Variants in LYPLAL1 observed in about 807,000 individuals in gnomAD.
LYPLAL1 encodes the protein lysophospholipase-like protein 1.
Under a neutral mutation model 19.7 loss-of-function variants are expected in LYPLAL1, and 23 were observed. That is an observed-to-expected ratio of 1.17 (90% CI 0.84 to 1.65). The LOEUF is 1.65. Among genes scored for constraint, LYPLAL1 ranks in the 40% most tolerant of loss-of-function variants. The pLI, the probability that LYPLAL1 is intolerant of heterozygous loss-of-function variation, is 0.00. For synonymous variants in LYPLAL1, 119 were observed against 96.3 expected, an observed-to-expected ratio of 1.24 and a Z score of -1.38; for missense variants, 355 against 279.4, an observed-to-expected ratio of 1.27 and a Z score of -1.93.
chr1:219,197,888 G>C (rs1370093707), intron 3 of LYPLAL1, among the ~76,000 whole-genome samples: 2 of 152,068 alleles, frequency 1.3e-5, no homozygotes, highest in African/African-American at 4.8e-5. Context: ...ACAGTAGCAG[G>C]AGAGGTTACC....
the LYPLAL1 span, among the ~76,000 whole-genome samples, chr1:219,393,551 G>T: frequency 1.3e-5 from 2 of 151,992 alleles, no homozygotes; most frequent in African/African-American, 4.8e-5. Context: ...GCTGATGCAG[G>T]GTTAGCCTGG....
At chr1:219,204,937 A>G (rs1456642695) in intron 3 of LYPLAL1, among the ~76,000 whole-genome samples, 1 of 152,186 alleles carries the variant, frequency 6.6e-6, no homozygotes, top group Non-Finnish European at 1.5e-5. Context: ...ATATAAGCAT[A>G]TTATCAGAAT....
At chr1:219,317,306 C>T in the LYPLAL1 span, among the ~76,000 whole-genome samples, 1 of 152,260 alleles carries the variant, frequency 6.6e-6, no homozygotes, top group Non-Finnish European at 1.5e-5. Context: ...TTCACTATTT[C>T]GTGTTTCAAC....
the LYPLAL1 span, among the ~76,000 whole-genome samples, chr1:219,299,666 C>T: frequency 2.0e-5 from 3 of 152,154 alleles, no homozygotes; most frequent in Non-Finnish European, 4.4e-5. Flanking sequence ...GGTTCTCTTC[C>T]CACTGTAGAG....
chr1:219,294,735 C>T, the LYPLAL1 span, among the ~76,000 whole-genome samples: 6 of 152,158 alleles, frequency 3.9e-5, no homozygotes, highest in Non-Finnish European at 7.3e-5. Flanking sequence ...GAGGCACAGA[C>T]TCTGGATGGA....
At chr1:219,242,778 A>T in the LYPLAL1 span, among the ~76,000 whole-genome samples, 1 of 151,838 alleles carries the variant, frequency 6.6e-6, no homozygotes, top group East Asian at 1.9e-4. Flanking sequence ...AAAATCTCAG[A>T]TGATATTTAT....
chr1:219,174,195 T>TC, intron 1 of LYPLAL1: 12 of 1,413,034 alleles, frequency 8.5e-6, no homozygotes, highest in Non-Finnish European at 8.3e-6. Flanking sequence ...CGGTCACTGG[T>TC]CCACCACCCT....
intron 4 of LYPLAL1, 110 bp downstream of exon 4, chr1:219,210,757 T>C: frequency 1.1e-6 from 1 of 933,178 alleles, no homozygotes; most frequent in Non-Finnish European, 1.5e-6. Flanking sequence ...TGATGCACAG[T>C]TGATATGGAT....
the LYPLAL1 span, among the ~76,000 whole-genome samples, chr1:219,407,515 T>C: frequency 0.53 from 81,091 of 152,016 alleles, 22,015 homozygotes; most frequent in East Asian, 0.81. Context: ...AAACATGAAA[T>C]GTAATGAGCT....
chr1:219,274,154 A>G, the LYPLAL1 span, among the ~76,000 whole-genome samples: 1 of 152,220 alleles, frequency 6.6e-6, no homozygotes, highest in East Asian at 1.9e-4. Context: ...TGAAAATGCA[A>G]AGAAGTTTGA....
chr1:219,437,223 G>A, the LYPLAL1 span: 1 of 152,174 alleles, frequency 6.6e-6, no homozygotes, highest in African/African-American at 2.4e-5. Context: ...CCACAGGGCT[G>A]GGTGAGCTCA....
chr1:219,328,593 T>G, the LYPLAL1 span, among the ~76,000 whole-genome samples: 1 of 152,170 alleles, frequency 6.6e-6, no homozygotes, highest in Non-Finnish European at 1.5e-5. Context: ...ATACTTGATA[T>G]AGAAATAAAT....
chr1:219,289,952 A>G, the LYPLAL1 span, among the ~76,000 whole-genome samples: 193 of 152,318 alleles, frequency 1.3e-3, 1 homozygote, highest in African/African-American at 4.4e-3. Context: ...ATTAGTGTCT[A>G]ATGGCCAATC....
chr1:219,371,347 A>G, the LYPLAL1 span, among the ~76,000 whole-genome samples: 2 of 152,182 alleles, frequency 1.3e-5, no homozygotes, highest in South Asian at 4.1e-4. Context: ...CACAGAGATA[A>G]TCATATCAAA....
At chr1:219,349,894 A>G in the LYPLAL1 span, among the ~76,000 whole-genome samples, 1 of 152,168 alleles carries the variant, frequency 6.6e-6, no homozygotes, top group Admixed American at 6.5e-5. Flanking sequence ...AACAGGGAAA[A>G]ATAGTAACAT....
the LYPLAL1 span, among the ~76,000 whole-genome samples, chr1:219,375,191 G>A: frequency 2.0e-5 from 3 of 152,174 alleles, no homozygotes; most frequent in Non-Finnish European, 4.4e-5. Flanking sequence ...AAGAGGCCGG[G>A]CATGGTGGCT....
At chr1:219,415,146 C>A in the LYPLAL1 span, among the ~76,000 whole-genome samples, 1 of 152,170 alleles carries the variant, frequency 6.6e-6, no homozygotes, top group Non-Finnish European at 1.5e-5. Flanking sequence ...CTTCAAAAGT[C>A]TTTTATCTGT....
At chr1:219,364,536 C>A in the LYPLAL1 span, among the ~76,000 whole-genome samples, 1 of 152,100 alleles carries the variant, frequency 6.6e-6, no homozygotes, top group East Asian at 1.9e-4. Context: ...GTAGTCTCTT[C>A]AGAGACTTCA....
chr1:219,197,590 T>G (rs1008531013), intron 3 of LYPLAL1, among the ~76,000 whole-genome samples: 2 of 151,902 alleles, frequency 1.3e-5, no homozygotes, highest in African/African-American at 4.8e-5. Context: ...TGATGAAAAT[T>G]TCAAAAGCAA....
Sources: gnomAD v4.1 joint callset for allele counts (sites outside exome capture counted in the v4.1 genomes callset) on GRCh38, gnomAD v4.1.1 for gene constraint, MANE v1.5 for transcripts, NCBI Gene and HGNC (gene_info 2026-07-23, HGNC 2026-07-21) for gene names.